Variants in ZDHHC11B observed in about 807,000 individuals in gnomAD.
ZDHHC11B encodes the protein zDHHC palmitoyltransferase 11B (putative).
A neutral mutation model predicts 42.3 loss-of-function variants in ZDHHC11B; 17 were observed. The observed-to-expected ratio is 0.40, with a 90% CI of 0.27 to 0.60. ZDHHC11B has a LOEUF of 0.60. Among genes scored for constraint, ZDHHC11B ranks in the 20% least tolerant of loss-of-function variants. The pLI is 0.41. For synonymous variants in ZDHHC11B, 123 were observed against 193.5 expected, an observed-to-expected ratio of 0.64 and a Z score of 3.02; for missense variants, 262 against 463.2, an observed-to-expected ratio of 0.57 and a Z score of 3.99.
intron 4 of ZDHHC11B, among the ~76,000 whole-genome samples, chr5:762,895 G>A (rs1734808037): frequency 6.6e-6 from 1 of 151,620 alleles, no homozygotes; most frequent in Non-Finnish European, 1.5e-5. Flanking sequence ...ATCAATAAAA[G>A]GGATAAGCCC....
chr5:730,782 G>T (rs1296274670), intron 11 of ZDHHC11B, among the ~76,000 whole-genome samples: 1 of 151,712 alleles, frequency 6.6e-6, no homozygotes. Flanking sequence ...ACTAGAGTGA[G>T]CCCTAATCCA....
chr5:749,203 AC>A (rs1333502891), intron 7 of ZDHHC11B, among the ~76,000 whole-genome samples: 1 of 128,576 alleles, frequency 7.8e-6, no homozygotes, highest in African/African-American at 2.6e-5. Context: ...GACCCTCTGC[AC>A]CCTAAAACAG....
In ZDHHC11B at chr5:733,336, C is replaced by T. The variant is rs1385262472; in HGVS notation, c.1023+416G>A. 2.5e-4 allele frequency among the ~76,000 whole-genome samples: 38 copies of T among 151,868 alleles called. 1 individual carries two copies. The highest frequency in any genetic ancestry group is 8.5e-4 in the African/African-American group (35 of 41,256). On this transcript the variant is annotated intron_variant, in intron 11 of 13. Coordinates refer to ENST00000508859, the MANE Select transcript of ZDHHC11B (RefSeq NM_001351303.2). Reference sequence around the variant, plus strand: ...ACATCGTCTATTCCCATCTGTCTCCCACACACAGTCCTTCCTGAGCATTTT... The same window carrying T: ...ACATCGTCTATTCCCATCTGTCTCCTACACACAGTCCTTCCTGAGCATTTT...
chr5:758,297 G>C (rs1734126647), intron 4 of ZDHHC11B, among the ~76,000 whole-genome samples: 1 of 151,950 alleles, frequency 6.6e-6, no homozygotes, highest in Non-Finnish European at 1.5e-5. Flanking sequence ...CCAGTGGCAG[G>C]GAGGGTGGGG....
chr5:730,707 A>G (rs1413253028), intron 11 of ZDHHC11B, among the ~76,000 whole-genome samples: 3 of 151,674 alleles, frequency 2.0e-5, no homozygotes, highest in African/African-American at 7.3e-5. Flanking sequence ...GACACCCAGT[A>G]CCTCAGAATG....
intron 1 of ZDHHC11B, among the ~76,000 whole-genome samples, chr5:777,127 G>A (rs902646634): frequency 1.3e-5 from 2 of 151,934 alleles, no homozygotes; most frequent in African/African-American, 4.8e-5. Flanking sequence ...GGCGACCCTG[G>A]AGTTTCTTCC....
intron 4 of ZDHHC11B, among the ~76,000 whole-genome samples, chr5:761,027 G>T (rs148072776): frequency 6.6e-6 from 1 of 151,834 alleles, no homozygotes; most frequent in Non-Finnish European, 1.5e-5. Flanking sequence ...AAAGGCAGGC[G>T]GGCGCTGTGC....
intron 13 of ZDHHC11B, among the ~76,000 whole-genome samples, chr5:714,910 C>T (rs1312267417): frequency 4.0e-5 from 6 of 151,410 alleles, no homozygotes; most frequent in Non-Finnish European, 8.8e-5. Context: ...GTACTTCTTG[C>T]TCTAACCAAC....
At chr5:758,028 A>G (rs1437075611) in intron 4 of ZDHHC11B, among the ~76,000 whole-genome samples, 1 of 151,792 alleles carries the variant, frequency 6.6e-6, no homozygotes, top group Non-Finnish European at 1.5e-5. Context: ...GGCCGGGCAC[A>G]GGGCTCACTG....
chr5:742,739 T>A (rs1257837105), intron 9 of ZDHHC11B, among the ~76,000 whole-genome samples: 1 of 149,902 alleles, frequency 6.7e-6, no homozygotes, highest in Non-Finnish European at 1.5e-5. Context: ...CACTTTATTG[T>A]GGCTTTCTAA....
chr5:777,474 CAG>C (rs1218506821), intron 1 of ZDHHC11B, among the ~76,000 whole-genome samples: 3 of 12,912 alleles, frequency 2.3e-4, no homozygotes, highest in Admixed American at 9.7e-4. Context: ...GGCGCGCACC[CAG>C]ACTGAGCGGC....
rs758219639 is a variant in ZDHHC11B at position 766,879 on chromosome 5, T to G, written c.41A>C (p.Glu14Ala). Residue 14 changes from glutamate to alanine, a missense_variant, in exon 4 of 14, where the codon GAA (glutamate) becomes GCA (alanine). By Grantham distance (107) the Glu-to-Ala change is moderately radical. Transcript: ENST00000508859. ...RSGSQCSVTPEAIRNNEELVL... is the reference protein window; with the variant it reads ...RSGSQCSVTPAAIRNNEELVL... The stretch of plus-strand genomic sequence containing the variant: ...CAGCTCTTCATTGTTGCGTATGGCT[T>G]CTGGGGTGACGGAACACTGGCTCCC... 4 of 1,612,646 alleles carry G rather than the reference T, an allele frequency of 2.5e-6. No individual in the cohort carries two copies. In the South Asian group the frequency reaches 3.3e-5, roughly 13 times the overall value.
chr5:713,906 GC>G (rs1382584791), intron 13 of ZDHHC11B, among the ~76,000 whole-genome samples: 2 of 103,092 alleles, frequency 1.9e-5, no homozygotes, highest in Non-Finnish European at 4.5e-5. Context: ...AGCTTGATCT[GC>G]CCTTTGTACC....
At position 766,920 on chromosome 5, in the gene ZDHHC11B, C is replaced by T. The variant is rs1275755161; in HGVS notation, c.1-1G>A. The T allele has an allele frequency of 1.9e-6, 3 of 1,611,342 alleles. No individual in the cohort carries two copies. The highest frequency in any genetic ancestry group is 1.3e-5 in the African/African-American group (1 of 74,762). ...ACTGGCTCCCGGAGCGGGTGTCCAT[C>T]TGCAGGACACAGAAGGGGAGGACCT... On this transcript the variant is annotated splice_acceptor_variant, in intron 3 of 13. Transcript: ENST00000508859. LOFTEE classifies it low-confidence loss of function (5UTR_SPLICE).
At chr5:778,066 AG>A (rs1288154542) in intron 1 of ZDHHC11B, among the ~76,000 whole-genome samples, 1 of 151,930 alleles carries the variant, frequency 6.6e-6, no homozygotes, top group Non-Finnish European at 1.5e-5. Flanking sequence ...CGTAGGACAG[AG>A]GGGCAAGGGG....
At chr5:776,058 T>G (rs1228540778) in intron 1 of ZDHHC11B, among the ~76,000 whole-genome samples, 1 of 149,826 alleles carries the variant, frequency 6.7e-6, no homozygotes, top group Non-Finnish European at 1.5e-5. Flanking sequence ...CGCTGGGCTC[T>G]TCAGAACCTT....
At position 761,946 on chromosome 5, in the gene ZDHHC11B, G is replaced by A. The variant is rs1339540477; in HGVS notation, c.222+4752C>T. 1.2e-4 allele frequency among the ~76,000 whole-genome samples: 17 copies of A among 137,324 alleles called. 1 individual carries two copies. The highest frequency in any genetic ancestry group is 4.5e-4 in the African/African-American group (16 of 35,206). 90.1% of individuals were successfully genotyped at this position (137,324 alleles called of 152,430 possible). ...AGACAGCCACTCAACTCACAGCCCT[G>A]GGCAGCCACTCACAGTCCTGGCTGG... On this transcript the variant is annotated intron_variant, in intron 4 of 13. Coordinates refer to ENST00000508859, the MANE Select transcript of ZDHHC11B (RefSeq NM_001351303.2).
chr5:750,719 G>A (rs1263355824), intron 7 of ZDHHC11B, among the ~76,000 whole-genome samples: 130 of 125,994 alleles, frequency 1.0e-3, no homozygotes, highest in African/African-American at 3.2e-3. Flanking sequence ...CTACAGCCCA[G>A]CACCCTCAGC....
At chr5:775,359 G>A (rs191991765) in intron 1 of ZDHHC11B, among the ~76,000 whole-genome samples, 18 of 151,994 alleles carry the variant, frequency 1.2e-4, no homozygotes, top group Admixed American at 7.2e-4. Flanking sequence ...GGGTGCAGCC[G>A]CTCCCCATCT....
Sources: allele counts gnomAD v4.1 joint callset (sites outside exome capture counted in the v4.1 genomes callset), GRCh38; gene constraint gnomAD v4.1.1; transcripts MANE v1.5; gene names NCBI Gene and HGNC (gene_info 2026-07-23, HGNC 2026-07-21).